Variants in TXNDC12 observed in about 807,000 individuals in gnomAD.
TXNDC12 encodes thioredoxin domain-containing protein 12.
TXNDC12 carries 22 observed loss-of-function variants against 24.2 expected under a neutral mutation model. The ratio of observed to expected loss-of-function variants is 0.91; its 90% CI spans 0.65 to 1.30. The LOEUF is 1.30. TXNDC12 is among the 50% of genes most tolerant of loss of function. TXNDC12 has a pLI of 0.00. For missense variants in TXNDC12, 184 were observed against 205.8 expected, an observed-to-expected ratio of 0.89 and a Z score of 0.65; for synonymous variants, 58 against 73.4, an observed-to-expected ratio of 0.79 and a Z score of 1.07.
chr1:52,023,643 G>A lies in TXNDC12; in HGVS notation c.356-69C>T, dbSNP rs374522790. 1.1e-4 allele frequency: 133 copies of A among 1,181,996 alleles called. 1 individual carries two copies. In the East Asian group the frequency reaches 1.2e-3, roughly 10 times the overall value. 73.2% of individuals were successfully genotyped at this position (1,181,996 alleles called of 1,614,324 possible). ...AGACAGGTACTTCAAACACTACCTG[G>A]TACATCGGGCCCTCTGGGAAATAAG... On this transcript the variant is annotated intron_variant, in intron 5 of 6. Coordinates refer to ENST00000371626, the MANE Select transcript of TXNDC12 (RefSeq NM_015913.4).
At chr1:52,030,866 T>C (rs1413838923) in intron 2 of TXNDC12, among the ~76,000 whole-genome samples, 5 of 152,232 alleles carry the variant, frequency 3.3e-5, no homozygotes, top group Non-Finnish European at 7.3e-5. Context: ...CTTTGTGATA[T>C]GTTAAAATTA....
chr1:52,046,854 A>T (rs1184057438), intron 1 of TXNDC12, among the ~76,000 whole-genome samples: 1 of 78,370 alleles, frequency 1.3e-5, no homozygotes, highest in African/African-American at 5.2e-5. Flanking sequence ...CATCTCTACT[A>T]AAAAAAAAAA....
chr1:52,022,380 T>C (rs575318742), intron 6 of TXNDC12, among the ~76,000 whole-genome samples: 14 of 152,298 alleles, frequency 9.2e-5, no homozygotes, highest in African/African-American at 2.6e-4. Context: ...TGGCTGACGA[T>C]TGCAAACTTC....
intron 2 of TXNDC12, among the ~76,000 whole-genome samples, chr1:52,038,232 T>C (rs1685920048): frequency 6.6e-6 from 1 of 152,140 alleles, no homozygotes; most frequent in African/African-American, 2.4e-5. Context: ...GCAGATATCC[T>C]TTCTCTTCAA....
At chr1:52,031,586 A>C (rs550419277) in intron 2 of TXNDC12, among the ~76,000 whole-genome samples, 1 of 145,810 alleles carries the variant, frequency 6.9e-6, no homozygotes, top group South Asian at 2.2e-4. Context: ...TCCACCTCCC[A>C]GGTTCAAGCG....
At chr1:52,027,426 AT>A in intron 3 of TXNDC12, 78 bp from the exon 4 acceptor site, 2 of 1,113,470 alleles carry the variant, frequency 1.8e-6, no homozygotes. Context: ...AAGCATCACT[AT>A]TTCTCTTTGG....
At chr1:52,053,793 C>T (rs1250278783) in intron 1 of TXNDC12, among the ~76,000 whole-genome samples, 2 of 152,206 alleles carry the variant, frequency 1.3e-5, no homozygotes, top group East Asian at 1.9e-4. Context: ...ACCCACATAT[C>T]ACCTTCTCCA....
intron 1 of TXNDC12, among the ~76,000 whole-genome samples, chr1:52,042,548 C>T (rs1686012779): frequency 6.6e-6 from 1 of 151,924 alleles, no homozygotes; most frequent in African/African-American, 2.4e-5. Flanking sequence ...GCAACCTCCA[C>T]CTCCCAGGTT....
intron 1 of TXNDC12, among the ~76,000 whole-genome samples, chr1:52,051,377 A>T (rs1557999573): frequency 6.6e-6 from 1 of 151,038 alleles, no homozygotes; most frequent in East Asian, 2.0e-4. Context: ...CTCCTAATTT[A>T]TTTATTTATT....
At chr1:52,021,087 A>C (rs1685589326) in intron 6 of TXNDC12, 75 bp from the exon 7 acceptor site, 1 of 1,119,476 alleles carries the variant, frequency 8.9e-7, no homozygotes, top group African/African-American at 1.5e-5. Flanking sequence ...GTACACTTTT[A>C]AATGTTTCAG....
At chr1:52,029,925 T>C (rs928299161) in intron 2 of TXNDC12, among the ~76,000 whole-genome samples, 1 of 152,200 alleles carries the variant, frequency 6.6e-6, no homozygotes, top group African/African-American at 2.4e-5. Flanking sequence ...ATAGCCAAAA[T>C]GTGCTGAACG....
intron 2 of TXNDC12, among the ~76,000 whole-genome samples, chr1:52,035,941 T>A (rs1373949311): frequency 6.6e-6 from 1 of 152,220 alleles, no homozygotes; most frequent in Non-Finnish European, 1.5e-5. Flanking sequence ...CTTGGGCAAG[T>A]TATTTTAGTA....
At chr1:52,021,147 T>G in intron 6 of TXNDC12, 135 bp from the exon 7 acceptor site, 1 of 652,744 alleles carries the variant, frequency 1.5e-6, no homozygotes, top group Non-Finnish European at 2.6e-6. Flanking sequence ...TAGCTCTGGA[T>G]TTTGGCCCTG....
chr1:52,052,533 C>T (rs1246817980), intron 1 of TXNDC12: 3 of 169,520 alleles, frequency 1.8e-5, no homozygotes, highest in African/African-American at 7.2e-5. Flanking sequence ...TGTGAGGAAA[C>T]CCATAGGAGC....
At chr1:52,054,673 CAGGTGGGA>C (rs146527540) in intron 1 of TXNDC12, among the ~76,000 whole-genome samples, 2,125 of 152,330 alleles carry the variant, frequency 0.014, 48 homozygotes, top group African/African-American at 0.047. Context: ...CTATTTCTCC[CAGGTGGGA>C]AGGTGACCGT....
chr1:52,034,412 T>C (rs1225122918), intron 2 of TXNDC12, among the ~76,000 whole-genome samples: 1 of 152,178 alleles, frequency 6.6e-6, no homozygotes, highest in African/African-American at 2.4e-5. Flanking sequence ...ACTTAGAACT[T>C]GAAAGACAAA....
At chr1:52,030,417 C>T (rs1205504977) in intron 2 of TXNDC12, 1 of 152,240 alleles carries the variant, frequency 6.6e-6, no homozygotes, top group African/African-American at 2.4e-5. Context: ...CTGACGGTTA[C>T]AGTCTACTTC....
At chr1:52,033,658 A>AC in intron 2 of TXNDC12, 1 of 1,611,290 alleles carries the variant, frequency 6.2e-7, no homozygotes, top group Non-Finnish European at 8.5e-7. Flanking sequence ...TGCGTCGTCC[A>AC]CCACGTACAC....
intron 6 of TXNDC12, 58 bp from the exon 7 acceptor site, chr1:52,021,070 A>T (rs1444163851): frequency 8.2e-7 from 1 of 1,214,598 alleles, no homozygotes; most frequent in Non-Finnish European, 1.2e-6. Context: ...GACATTTGAC[A>T]ACCAATGTAC....
Sources: gnomAD v4.1 joint callset for allele counts (sites outside exome capture counted in the v4.1 genomes callset) on GRCh38, gnomAD v4.1.1 for gene constraint, MANE v1.5 for transcripts, NCBI Gene and HGNC (gene_info 2026-07-23, HGNC 2026-07-21) for gene names.